The following IL1RAPL1 variants were observed in gnomAD, a reference collection of about 807,000 sequenced individuals.
IL1RAPL1 encodes interleukin 1 receptor accessory protein like 1.
In IL1RAPL1, 3 loss-of-function variants were observed where a neutral mutation model predicts 48.4. The observed-to-expected ratio is 0.06, with a 90% CI of 0.03 to 0.16. IL1RAPL1 has a LOEUF of 0.16. Ranked by LOEUF, IL1RAPL1 falls within the 10% of genes least tolerant of loss-of-function variation. IL1RAPL1 has a pLI of 1.00. For missense variants in IL1RAPL1, 349 were observed against 530.6 expected, an observed-to-expected ratio of 0.66 and a Z score of 3.36; for synonymous variants, 185 against 187.7, an observed-to-expected ratio of 0.99 and a Z score of 0.12.
chrX:29,602,168 A>G (rs755467852), intron 5 of IL1RAPL1, among the ~76,000 whole-genome samples: 2 of 108,656 alleles, frequency 1.8e-5, no homozygotes, highest in East Asian at 5.7e-4. Flanking sequence ...TTTTTAGTAT[A>G]GACGGGGTTT....
intron 3 of IL1RAPL1, among the ~76,000 whole-genome samples, chrX:29,362,360 T>G: frequency 8.9e-6 from 1 of 112,050 alleles, no homozygotes; most frequent in East Asian, 2.8e-4. Flanking sequence ...AATGAGTCAA[T>G]GCAAAGTATG....
chrX:28,741,160 G>A (rs2146952772), intron 1 of IL1RAPL1, among the ~76,000 whole-genome samples: 1 of 111,865 alleles, frequency 8.9e-6, no homozygotes, highest in African/African-American at 3.2e-5. Flanking sequence ...CCTATCAGTA[G>A]TGTTTAAGCA....
At chrX:28,869,357 C>A (rs773279943) in intron 2 of IL1RAPL1, among the ~76,000 whole-genome samples, 9 of 111,879 alleles carry the variant, frequency 8.0e-5, no homozygotes, top group Non-Finnish European at 1.3e-4. Context: ...TTAATTATTT[C>A]TAAAATTCAA....
In IL1RAPL1 at chrX:28,883,296, A is replaced by T. The variant is rs1388249563; in HGVS notation, c.82+93871A>T. Among the ~76,000 whole-genome samples the T allele has an allele frequency of 2.7e-5, 3 of 111,774 alleles. No individual in the cohort carries two copies. In the East Asian group the frequency reaches 8.3e-4, roughly 31 times the overall value. ...TATAATAAAAATACTGGCTTTTGTC[A>T]ATCTTGTTAAAGTTGAATATTGATA... On this transcript the variant is annotated intron_variant, in intron 2 of 10. Transcript: ENST00000378993.
At chrX:29,163,941 T>C (rs894492711) in intron 2 of IL1RAPL1, among the ~76,000 whole-genome samples, 2 of 111,856 alleles carry the variant, frequency 1.8e-5, no homozygotes, top group Admixed American at 1.9e-4. Context: ...CCTGGAAGTA[T>C]ATGTCCATAG....
chrX:29,605,951 A>T (rs187348312), intron 5 of IL1RAPL1, among the ~76,000 whole-genome samples: 371 of 112,149 alleles, frequency 3.3e-3, no homozygotes, highest in Non-Finnish European at 5.8e-3. Flanking sequence ...CAAATGATAT[A>T]TAACAGAAAC....
At chrX:28,904,310 T>A (rs1374627695) in intron 2 of IL1RAPL1, among the ~76,000 whole-genome samples, 1 of 111,775 alleles carries the variant, frequency 8.9e-6, no homozygotes, top group Non-Finnish European at 1.9e-5. Flanking sequence ...ATATCCAGAT[T>A]AAAATTTCTA....
rs1277176334 is a variant in IL1RAPL1, at chrX:29,954,680, A to T, written c.1360A>T (p.Ile454Phe). The change falls in exon 10 of 11, where the codon ATC becomes TTC. Residue 454 changes from isoleucine to phenylalanine, a missense_variant. Ile to Phe is a conservative substitution (Grantham distance 21). Around this residue, in one of 3 missense-constraint regions of IL1RAPL1, gnomAD observed 238 missense variants for 337.8 expected, o/e 0.70. Coordinates refer to ENST00000378993, the MANE Select transcript of IL1RAPL1 (RefSeq NM_014271.4). ...GTTGTTTATACCAGATAGAGATTTA[A>T]TCCCAACTGGAAGTAAGTTAATGTT... ...YKLFIPDRDL[I>F]PTGTYIEDVA... The T allele has an allele frequency of 8.4e-7, 1 of 1,188,628 alleles. No homozygotes were observed. The highest frequency in any genetic ancestry group is 1.1e-6 in the Non-Finnish European group (1 of 874,248).
chrX:29,446,387 C>A (rs1268138051), intron 5 of IL1RAPL1, among the ~76,000 whole-genome samples: 2 of 111,613 alleles, frequency 1.8e-5, no homozygotes, highest in African/African-American at 3.3e-5. Flanking sequence ...TATATTGCGT[C>A]TTTTAAATTA....
chrX:28,843,345 A>G (rs1390357721), intron 2 of IL1RAPL1, among the ~76,000 whole-genome samples: 1 of 111,215 alleles, frequency 9.0e-6, no homozygotes. Context: ...CCATAAAGAA[A>G]AAATGTGTAA....
chrX:28,730,183 A>G (rs933576212), intron 1 of IL1RAPL1, among the ~76,000 whole-genome samples: 2 of 111,478 alleles, frequency 1.8e-5, no homozygotes, highest in African/African-American at 6.5e-5. Context: ...GAAGAACTTT[A>G]ATATTGAAGG....
chrX:29,166,310 G>A (rs1929784821), intron 2 of IL1RAPL1, among the ~76,000 whole-genome samples: 2 of 112,306 alleles, frequency 1.8e-5, no homozygotes, highest in Non-Finnish European at 3.8e-5. Flanking sequence ...CAGAATGAAT[G>A]AAACAATGTT....
At chrX:29,746,243 T>G (rs1928333449) in intron 6 of IL1RAPL1, among the ~76,000 whole-genome samples, 1 of 112,182 alleles carries the variant, frequency 8.9e-6, no homozygotes, top group Admixed American at 9.5e-5. Flanking sequence ...GAAATTATGA[T>G]AATAAATTTT....
In IL1RAPL1 at chrX:29,383,791, A is replaced by G. The variant is rs143512685; in HGVS notation, c.363-12467A>G. ...AGGAAACCAACTGTGAAATGTGTCC[A>G]AATCATATAGAATAAAAAAGTTCCC... On this transcript the variant is annotated intron_variant, in intron 3 of 10. Coordinates refer to ENST00000378993, the MANE Select transcript of IL1RAPL1 (RefSeq NM_014271.4). 3.6e-3 allele frequency among the ~76,000 whole-genome samples: 404 copies of G among 112,025 alleles called. 2 individuals carry two copies. Among genetic ancestry groups the G allele is most frequent in the African/African-American group, 0.012 (382 of 30,961 alleles).
intron 2 of IL1RAPL1, among the ~76,000 whole-genome samples, chrX:29,088,818 T>A (rs755915865): frequency 1.8e-5 from 2 of 110,424 alleles, no homozygotes; most frequent in African/African-American, 6.6e-5. Context: ...TCTTAAACAA[T>A]TATATTTAAT....
At chrX:29,705,536 C>G (rs1449929368) in intron 6 of IL1RAPL1, among the ~76,000 whole-genome samples, 1 of 112,375 alleles carries the variant, frequency 8.9e-6, no homozygotes, top group Non-Finnish European at 1.9e-5. Context: ...ATTTGACCAA[C>G]TTTGGCCCTC....
At chrX:29,193,365 T>A (rs1250203817) in intron 2 of IL1RAPL1, among the ~76,000 whole-genome samples, 1 of 111,268 alleles carries the variant, frequency 9.0e-6, no homozygotes, top group South Asian at 3.7e-4. Flanking sequence ...TATTACCATC[T>A]TCTAAAATAA....
intron 2 of IL1RAPL1, chrX:28,982,982 T>C (rs1458411522): frequency 9.0e-6 from 1 of 111,723 alleles, no homozygotes; most frequent in Non-Finnish European, 1.9e-5. Flanking sequence ...CATGAATCAT[T>C]CTTAACTAGA....
intron 2 of IL1RAPL1, among the ~76,000 whole-genome samples, chrX:28,937,295 A>G (rs1242778347): frequency 9.0e-6 from 1 of 111,250 alleles, no homozygotes; most frequent in East Asian, 2.8e-4. Flanking sequence ...GATATATAAT[A>G]TCTAGGCATA....
Sources: gnomAD v4.1 joint callset for allele counts (sites outside exome capture counted in the v4.1 genomes callset) on GRCh38, gnomAD v4.1.1 for gene constraint, gnomAD v4.1.1 regional missense constraint, MANE v1.5 for transcripts, NCBI Gene and HGNC (gene_info 2026-07-23, HGNC 2026-07-21) for gene names.